DNAAF5: variants seen among roughly 807,000 people sequenced by gnomAD.
DNAAF5 encodes dynein axonemal assembly factor 5, also known as HEAT repeat containing 2.
In DNAAF5, 64 loss-of-function variants were observed where a neutral mutation model predicts 75.8. That is an observed-to-expected ratio of 0.84 (90% CI 0.69 to 1.04). The LOEUF is 1.04. DNAAF5 is among the 50% of genes least tolerant of loss of function. DNAAF5 has a pLI of 0.00. For missense variants in DNAAF5, 1,269 were observed against 1,178.5 expected (o/e 1.08, Z -1.12); for synonymous variants, 657 against 557.2 (o/e 1.18, Z -2.52).
At chr7:781,625 A>C (rs1343718435) in intron 12 of DNAAF5, among the ~76,000 whole-genome samples, 1 of 151,922 alleles carries the variant, frequency 6.6e-6, no homozygotes, top group Non-Finnish European at 1.5e-5. Context: ...TTACATTCCC[A>C]CCAGCAGCGT....
intron 7 of DNAAF5, among the ~76,000 whole-genome samples, chr7:763,320 C>G (rs1782724092): frequency 6.6e-6 from 1 of 152,212 alleles, no homozygotes. Context: ...AGCCCTTCCT[C>G]TGTTCCTAAG....
chr7:753,601 GTC>G (rs112033938), intron 4 of DNAAF5, among the ~76,000 whole-genome samples: 1 of 149,728 alleles, frequency 6.7e-6, no homozygotes, highest in African/African-American at 2.5e-5. Flanking sequence ...TCACAGACGT[GTC>G]TCTCATCATA....
At chr7:767,987 G>C (rs1363644087) in intron 8 of DNAAF5, among the ~76,000 whole-genome samples, 1 of 151,302 alleles carries the variant, frequency 6.6e-6, no homozygotes, top group Non-Finnish European at 1.5e-5. Context: ...TGCTTGGAAG[G>C]TAGACACGTG....
rs1413804963 is a variant in DNAAF5, at chr7:779,394, T to C, written c.2240-559T>C. ...CTGCACAGAAGGGGGTGCCAAAGTT[T>C]TTTTAAGATGATGTAAAAAAAGCAT... On this transcript the variant is annotated intron_variant, in intron 11 of 12. Coordinates refer to ENST00000297440, the MANE Select transcript of DNAAF5 (RefSeq NM_017802.4). Among the ~76,000 whole-genome samples the C allele has an allele frequency of 3.9e-5, 6 of 152,348 alleles. 1 individual carries two copies. In the South Asian group the frequency reaches 1.2e-3, roughly 32 times the overall value.
At chr7:760,002 T>G (rs376808514) in intron 6 of DNAAF5, among the ~76,000 whole-genome samples, 3 of 152,090 alleles carry the variant, frequency 2.0e-5, no homozygotes, top group South Asian at 4.1e-4. Context: ...AAAACAAATC[T>G]GTGGCTTCTG....
At chr7:762,490 C>CAAAAAAAAAA (rs533430102) in intron 7 of DNAAF5, among the ~76,000 whole-genome samples, 1 of 131,240 alleles carries the variant, frequency 7.6e-6, no homozygotes, top group Non-Finnish European at 1.7e-5. Context: ...AGACTCCGTC[C>CAAAAAAAAAA]AAAAAAAAAA....
At position 771,970 on chromosome 7, in the gene DNAAF5, G is replaced by A. The variant is rs184107756; in HGVS notation, c.1931+1352G>A. 8 of 152,064 alleles carry A rather than the reference G, an allele frequency of 5.3e-5. No homozygotes were observed. In the East Asian group the frequency reaches 1.4e-3, roughly 26 times the overall value. 9.4% of individuals were successfully genotyped at this position (152,064 alleles called of 1,614,324 possible). ...ATAGGAAAGATTTTTTTTTTTATCC[G>A]TTTGGTTTTTATTTTTAGAATCATG... On this transcript the variant is annotated intron_variant, in intron 9 of 12. Transcript: ENST00000297440.
rs1323073289 is a variant in DNAAF5, at chr7:726,756, C to T, written c.36C>T (p.Ala12=). The stretch of plus-strand genomic sequence containing the variant: ...TGGGGGTGGCGGAGGCCGTGGCGGC[C>T]CCACACCCGGCTGAGGGGGCCGAGA... ...AALGVAEAVA[A]PHPAEGAETA... The change falls in exon 1 of 13, where the codon GCC becomes GCT. Residue 12 remains alanine, a synonymous_variant. Transcript: ENST00000297440. 4.0e-6 allele frequency: 5 copies of T among 1,255,590 alleles called. No individual in the cohort carries two copies. The highest frequency in any genetic ancestry group is 5.0e-6 in the Non-Finnish European group (5 of 1,001,972). 77.8% of individuals were successfully genotyped at this position (1,255,590 alleles called of 1,614,324 possible).
intron 12 of DNAAF5, among the ~76,000 whole-genome samples, chr7:784,051 C>T (rs1779070738): frequency 6.8e-6 from 1 of 148,106 alleles, no homozygotes; most frequent in South Asian, 2.2e-4. Context: ...CACCGCACAT[C>T]CGCCTGGCAG....
intron 2 of DNAAF5, among the ~76,000 whole-genome samples, chr7:736,122 T>G (rs975183103): frequency 3.3e-5 from 5 of 152,270 alleles, no homozygotes; most frequent in African/African-American, 1.2e-4. Flanking sequence ...TTTCGTGGCC[T>G]AACATATGGT....
intron 9 of DNAAF5, chr7:770,973 C>T (rs865806208): frequency 4.9e-6 from 1 of 203,288 alleles, no homozygotes; most frequent in Admixed American, 5.4e-5. Flanking sequence ...CACAAGCTCT[C>T]GGCAGGGAAT....
chr7:748,820 G>A (rs977935210), intron 4 of DNAAF5, among the ~76,000 whole-genome samples: 3 of 152,216 alleles, frequency 2.0e-5, no homozygotes, highest in African/African-American at 7.2e-5. Flanking sequence ...TTACCAGCAA[G>A]AACGGACAGT....
chr7:764,796 C>T (rs942706325), intron 8 of DNAAF5, among the ~76,000 whole-genome samples: 5 of 152,106 alleles, frequency 3.3e-5, no homozygotes, highest in Admixed American at 2.6e-4. Context: ...ACTGGCTGGG[C>T]GTGGTGGCTC....
chr7:745,586 C>T (rs953926683), intron 4 of DNAAF5, among the ~76,000 whole-genome samples: 4 of 152,206 alleles, frequency 2.6e-5, no homozygotes, highest in African/African-American at 9.7e-5. Flanking sequence ...CCCATATACA[C>T]ATCTGCACAC....
intron 8 of DNAAF5, among the ~76,000 whole-genome samples, chr7:770,169 C>T (rs1778506553): frequency 6.6e-6 from 1 of 152,190 alleles, no homozygotes; most frequent in Non-Finnish European, 1.5e-5. Flanking sequence ...CCAGGCTGGT[C>T]TCAAACTCTG....
chr7:769,611 T>C (rs1778484827), intron 8 of DNAAF5, among the ~76,000 whole-genome samples: 1 of 152,272 alleles, frequency 6.6e-6, no homozygotes, highest in South Asian at 2.1e-4. Flanking sequence ...CAACTATTGC[T>C]TGACTTTAAT....
intron 8 of DNAAF5, among the ~76,000 whole-genome samples, chr7:765,207 T>G (rs991975393): frequency 1.3e-5 from 2 of 152,208 alleles, no homozygotes; most frequent in Admixed American, 1.3e-4. Flanking sequence ...TCTGCAAGCC[T>G]TAGGGCCGTC....
chr7:764,312 C>T (rs905522307), intron 8 of DNAAF5, among the ~76,000 whole-genome samples: 1 of 152,188 alleles, frequency 6.6e-6, no homozygotes, highest in African/African-American at 2.4e-5. Context: ...CGCATGGGTG[C>T]TGTGTGTGTG....
chr7:756,396 G>A (rs1377868193), intron 5 of DNAAF5, among the ~76,000 whole-genome samples: 1 of 151,950 alleles, frequency 6.6e-6, no homozygotes, highest in African/African-American at 2.4e-5. Flanking sequence ...GGTGCAGAGG[G>A]GCTGGTGAGT....
Sources: gnomAD v4.1 joint callset for allele counts (sites outside exome capture counted in the v4.1 genomes callset) on GRCh38, gnomAD v4.1.1 for gene constraint, MANE v1.5 for transcripts, NCBI Gene and HGNC (gene_info 2026-07-23, HGNC 2026-07-21) for gene names.